Variants in POMK observed in about 807,000 individuals in gnomAD.
POMK encodes Sugen kinase 196.
POMK carries 19 observed loss-of-function variants against 23.0 expected under a neutral mutation model. That is an observed-to-expected ratio of 0.83 (90% CI 0.58 to 1.21). The LOEUF is 1.21. Among genes scored for constraint, POMK ranks in the 50% most tolerant of loss-of-function variants. The probability of loss-of-function intolerance (pLI) is 0.00; values close to 1 mark genes in which losing one functional copy is unlikely to be tolerated. For missense variants in POMK, 410 were observed against 431.3 expected (o/e 0.95, Z 0.44); for synonymous variants, 173 against 171.6 (o/e 1.01, Z -0.06).
At chr8:43,111,760 C>T (rs1048249651) in intron 4 of POMK, among the ~76,000 whole-genome samples, 7 of 152,240 alleles carry the variant, frequency 4.6e-5, no homozygotes, top group African/African-American at 1.7e-4. Flanking sequence ...ATTTGCGGTT[C>T]ACCAATATCT....
chr8:43,097,909 G>A (rs1281192103), intron 2 of POMK, among the ~76,000 whole-genome samples: 1 of 152,164 alleles, frequency 6.6e-6, no homozygotes, highest in Non-Finnish European at 1.5e-5. Context: ...CAAAGCATAG[G>A]AGAGACCTGG....
At chr8:43,120,810 T>C (rs1811902460) in intron 4 of POMK, among the ~76,000 whole-genome samples, 1 of 152,082 alleles carries the variant, frequency 6.6e-6, no homozygotes, top group African/African-American at 2.4e-5. Context: ...CCCAGGTAGC[T>C]GGGATTACAG....
intron 4 of POMK, among the ~76,000 whole-genome samples, chr8:43,118,322 C>A (rs548292804): frequency 6.6e-6 from 1 of 152,120 alleles, no homozygotes; most frequent in Non-Finnish European, 1.5e-5. Flanking sequence ...TATGTTATAA[C>A]GCCATTAGTA....
chr8:43,101,990 C>T (rs539865658), intron 2 of POMK, among the ~76,000 whole-genome samples: 1 of 152,238 alleles, frequency 6.6e-6, no homozygotes, highest in African/African-American at 2.4e-5. Flanking sequence ...GCTGGCTCCT[C>T]TCAGGCCTCT....
chr8:43,101,321 G>C (rs1053215316), intron 2 of POMK, among the ~76,000 whole-genome samples: 4 of 151,406 alleles, frequency 2.6e-5, no homozygotes, highest in Non-Finnish European at 5.9e-5. Context: ...AGCTACTAAG[G>C]AGGCAGAGGT....
intron 4 of POMK, among the ~76,000 whole-genome samples, chr8:43,118,340 A>G (rs1384519363): frequency 6.6e-6 from 1 of 152,194 alleles, no homozygotes; most frequent in Non-Finnish European, 1.5e-5. Context: ...GTATAACAGC[A>G]AACCCAAATG....
At position 43,122,262 on chromosome 8, in the gene POMK, T is replaced by C; in HGVS notation, c.438T>C (p.Thr146=). 1.9e-6 allele frequency: 3 copies of C among 1,614,218 alleles called. No homozygotes were observed. Among genetic ancestry groups the C allele is most frequent in the Non-Finnish European group, 2.5e-6 (3 of 1,180,030 alleles). Residue 146 remains threonine, a synonymous_variant, in exon 5 of 5, where the codon ACT becomes ACC. Transcript: ENST00000331373. ...TTGGCTATTGTGAGGATGACAACAC[T>C]ATGCTTACTGAATATCACCCTCTAG... ...TLLGYCEDDN[T]MLTEYHPLGS... is the part of the protein sequence containing the mutation.
intron 4 of POMK, among the ~76,000 whole-genome samples, chr8:43,118,436 G>A (rs1019441641): frequency 2.0e-5 from 3 of 152,122 alleles, no homozygotes; most frequent in Admixed American, 6.6e-5. Context: ...CCTTTGGGTC[G>A]GGAAGTAAAA....
rs569918145 is a variant in POMK, at chr8:43,099,689, G to A, written c.-118+2074G>A. ...GTTTGGGTGCAGTGGCAGTGAGTTG[G>A]AGAGAATGAGAGGACAGAGCTGGGC... On this transcript the variant is annotated intron_variant, in intron 2 of 4. Transcript: ENST00000331373. 2.0e-5 allele frequency among the ~76,000 whole-genome samples: 3 copies of A among 152,340 alleles called. No individual in the cohort carries two copies. In the East Asian group the frequency reaches 5.8e-4, roughly 29 times the overall value.
At chr8:43,098,032 A>G (rs1811369265) in intron 2 of POMK, among the ~76,000 whole-genome samples, 1 of 152,158 alleles carries the variant, frequency 6.6e-6, no homozygotes. Context: ...CACCTAAGGC[A>G]GGGCTTGGCC....
intron 4 of POMK, among the ~76,000 whole-genome samples, chr8:43,112,843 A>G (rs1009403560): frequency 8.5e-5 from 13 of 152,166 alleles, no homozygotes; most frequent in African/African-American, 3.1e-4. Flanking sequence ...GAAATAAAAT[A>G]CTTTACAGAC....
chr8:43,098,567 T>C (rs527729908), intron 2 of POMK, among the ~76,000 whole-genome samples: 51 of 152,350 alleles, frequency 3.3e-4, no homozygotes, highest in Non-Finnish European at 5.3e-4. Flanking sequence ...TGGATAATGC[T>C]TCCGTGAACA....
At position 43,122,190 on chromosome 8, in the gene POMK, A is replaced by G; in HGVS notation, c.366A>G (p.Gly122=). The G allele has an allele frequency of 6.2e-7, 1 of 1,614,182 alleles. No homozygotes were observed. Among genetic ancestry groups the G allele is most frequent in the Non-Finnish European group, 8.5e-7 (1 of 1,180,022 alleles). The change falls in exon 5 of 5, where the codon GGA becomes GGG. Residue 122 remains glycine, a synonymous_variant. Transcript: ENST00000331373. ...AGATGAAAGATGATTTCCTCCATGG[A>G]CTGCAGATGCTGAAATCTCTCCAAG... ...SLEMKDDFLH[G]LQMLKSLQGT...
At chr8:43,118,151 G>A (rs1354001266) in intron 4 of POMK, among the ~76,000 whole-genome samples, 1 of 152,032 alleles carries the variant, frequency 6.6e-6, no homozygotes, top group East Asian at 1.9e-4. Flanking sequence ...AAGAAAAAAG[G>A]TAGTAGTATC....
chr8:43,094,978 C>G (rs1368015297), intron 1 of POMK, among the ~76,000 whole-genome samples: 1 of 152,214 alleles, frequency 6.6e-6, no homozygotes. Flanking sequence ...TTTAGCCACA[C>G]AGCCTCATGC....
chr8:43,103,734 A>G lies in POMK; in HGVS notation c.186A>G (p.Ile62Met). 4 of 1,614,240 alleles carry G rather than the reference A, an allele frequency of 2.5e-6. No individual in the cohort carries two copies. The South Asian group carries it at 4.4e-5, about 18-fold the overall frequency. Reference sequence around the variant, plus strand: ...ACTGTCCCTATGGTCACTTCAGGATAGGACAGATGAAAAACTGCTCACCTT... The same window carrying G: ...ACTGTCCCTATGGTCACTTCAGGATGGGACAGATGAAAAACTGCTCACCTT... ...PTHCPYGHFRIGQMKNCSPWL... is the reference protein window; with the variant it reads ...PTHCPYGHFRMGQMKNCSPWL... Residue 62 changes from isoleucine (I) to methionine (M), a missense_variant, in exon 4 of 5, where the codon ATA (isoleucine) becomes ATG (methionine). Transcript: ENST00000331373.
intron 4 of POMK, among the ~76,000 whole-genome samples, chr8:43,114,004 G>T (rs1811739722): frequency 6.6e-6 from 1 of 152,214 alleles, no homozygotes; most frequent in Non-Finnish European, 1.5e-5. Context: ...GCCCCGTGAG[G>T]TGTCAGTCTG....
intron 4 of POMK, among the ~76,000 whole-genome samples, chr8:43,114,887 C>T (rs989946091): frequency 6.6e-6 from 1 of 152,178 alleles, no homozygotes; most frequent in African/African-American, 2.4e-5. Context: ...AGATTTGGGG[C>T]AACAGGTATA....
At chr8:43,107,783 C>A (rs1029522022) in intron 4 of POMK, among the ~76,000 whole-genome samples, 1 of 152,052 alleles carries the variant, frequency 6.6e-6, no homozygotes, top group Admixed American at 6.5e-5. Context: ...CGGGTTCAAG[C>A]AATTCTTCTG....
Sources: gnomAD v4.1 joint callset for allele counts (sites outside exome capture counted in the v4.1 genomes callset) on GRCh38, gnomAD v4.1.1 for gene constraint, MANE v1.5 for transcripts, NCBI Gene and HGNC (gene_info 2026-07-23, HGNC 2026-07-21) for gene names.